The following GPC6 variants were observed in gnomAD, a reference collection of about 807,000 sequenced individuals.
GPC6 encodes glypican-6.
Under a neutral mutation model 55.2 loss-of-function variants are expected in GPC6, and 14 were observed. That is an observed-to-expected ratio of 0.25 (90% confidence interval 0.17 to 0.40). The LOEUF is 0.40. GPC6 is among the 10% of genes least tolerant of loss of function. The probability of loss-of-function intolerance (pLI) is 1.00; values close to 1 mark genes in which losing one functional copy is unlikely to be tolerated. For missense variants in GPC6, 641 were observed against 708.5 expected, an observed-to-expected ratio of 0.90 and a Z score of 1.08; for synonymous variants, 278 against 259.6, an observed-to-expected ratio of 1.07 and a Z score of -0.68.
At chr13:93,629,119 A>G (rs989251104) in intron 2 of GPC6, among the ~76,000 whole-genome samples, 7 of 151,930 alleles carry the variant, frequency 4.6e-5, no homozygotes, top group Non-Finnish European at 7.4e-5. Flanking sequence ...ATGACTTTTT[A>G]AGGCCAGTTA....
At chr13:93,718,823 G>GCTAGCCAGTTTTCCTAGCAC (rs1883343657) in intron 2 of GPC6, among the ~76,000 whole-genome samples, 1 of 147,358 alleles carries the variant, frequency 6.8e-6, no homozygotes, top group Non-Finnish European at 1.5e-5. Flanking sequence ...TTGCCCAATG[G>GCTAGCCAGTTTTCCTAGCAC]CATTTATTAA....
At chr13:93,436,936 A>T (rs1877593594) in intron 1 of GPC6, among the ~76,000 whole-genome samples, 1 of 151,816 alleles carries the variant, frequency 6.6e-6, no homozygotes, top group African/African-American at 2.4e-5. Context: ...CCTGCTTTGA[A>T]TTAGTCTGTT....
intron 4 of GPC6, among the ~76,000 whole-genome samples, chr13:94,258,921 G>GATC (rs1349936695): frequency 3.9e-5 from 6 of 152,190 alleles, no homozygotes; most frequent in Non-Finnish European, 7.3e-5. Context: ...AAACAGAGAT[G>GATC]TAACAAGGGT....
chr13:93,966,651 A>ATTTTTTTTT lies in GPC6; in HGVS notation c.712-61067_712-61059dup, dbSNP rs59591951. ...ACTATCAGTTTTGTTTGTTTCCTTC[A>ATTTTTTTTT]TTTTTTTTTTTTTTTTTTTGAGATG... is the stretch of plus-strand genomic sequence containing the variant. On this transcript the variant is annotated intron_variant, in intron 3 of 8. Coordinates refer to ENST00000377047, the MANE Select transcript of GPC6 (RefSeq NM_005708.5). 1.7e-5 allele frequency among the ~76,000 whole-genome samples: 2 copies of ATTTTTTTTT among 118,828 alleles called. 1 individual carries two copies. 78.0% of individuals were successfully genotyped at this position (118,828 alleles called of 152,430 possible).
chr13:93,663,534 C>T (rs574607021), intron 2 of GPC6, among the ~76,000 whole-genome samples: 5 of 152,224 alleles, frequency 3.3e-5, no homozygotes, highest in African/African-American at 9.6e-5. Flanking sequence ...AAGACAGATC[C>T]GTCTCTGAAT....
chr13:94,122,680 T>C (rs967129544), intron 4 of GPC6, among the ~76,000 whole-genome samples: 1 of 152,098 alleles, frequency 6.6e-6, no homozygotes, highest in Non-Finnish European at 1.5e-5. Flanking sequence ...TTTCATTCAC[T>C]ACTCTGCACA....
At chr13:93,292,593 T>C (rs1878352107) in intron 1 of GPC6, among the ~76,000 whole-genome samples, 1 of 152,182 alleles carries the variant, frequency 6.6e-6, no homozygotes, top group African/African-American at 2.4e-5. Context: ...AATAAACATA[T>C]TATGGAATAA....
chr13:93,832,122 A>AAAAAAAAAAAAAAAAT (rs1555334870), intron 3 of GPC6, among the ~76,000 whole-genome samples: 2 of 12,048 alleles, frequency 1.7e-4, no homozygotes, highest in Non-Finnish European at 2.5e-4. Context: ...AAAAAAAAAA[A>AAAAAAAAAAAAAAAAT]ATATATATAT....
chr13:94,307,368 G>A (rs1214156004), intron 6 of GPC6, among the ~76,000 whole-genome samples: 1 of 151,948 alleles, frequency 6.6e-6, no homozygotes, highest in African/African-American at 2.4e-5. Context: ...CCAGGCTGGA[G>A]TGCAGTGTCA....
intron 4 of GPC6, among the ~76,000 whole-genome samples, chr13:94,235,053 G>A (rs2139018161): frequency 6.6e-6 from 1 of 152,226 alleles, no homozygotes; most frequent in Admixed American, 6.6e-5. Context: ...AGTTAACAAG[G>A]CTGTACTGTA....
intron 1 of GPC6, among the ~76,000 whole-genome samples, chr13:93,528,696 T>A (rs1881748022): frequency 6.6e-6 from 1 of 152,190 alleles, no homozygotes; most frequent in South Asian, 2.1e-4. Context: ...GTCTGAAATT[T>A]GCAACATATT....
chr13:94,337,341 C>T (rs1877761093), intron 6 of GPC6, among the ~76,000 whole-genome samples: 1 of 152,144 alleles, frequency 6.6e-6, no homozygotes, highest in South Asian at 2.1e-4. Flanking sequence ...AATTTTATTT[C>T]ATCTAAATTC....
chr13:93,561,588 A>C (rs947140797), intron 2 of GPC6, among the ~76,000 whole-genome samples: 2 of 152,076 alleles, frequency 1.3e-5, no homozygotes, highest in Admixed American at 6.5e-5. Context: ...TTTCTATTTG[A>C]GTATTTGTTT....
At chr13:94,242,153 G>C (rs1343390111) in intron 4 of GPC6, among the ~76,000 whole-genome samples, 1 of 151,794 alleles carries the variant, frequency 6.6e-6, no homozygotes. Context: ...CCACCTATGA[G>C]TGAGAACATG....
At position 93,636,754 on chromosome 13, in the gene GPC6, G is replaced by GT. The variant is rs1879719204; in HGVS notation, c.319+91333_319+91334insT. On this transcript the variant is annotated intron_variant, in intron 2 of 8. Transcript: ENST00000377047. ...CAGGGCAGTCCACCAGAAATATCAG[G>GT]GAGAGATAAATTATTACTGAGAACA... 2.0e-5 allele frequency among the ~76,000 whole-genome samples: 3 copies of GT among 152,244 alleles called. 1 individual carries two copies. In the South Asian group the frequency reaches 6.2e-4, roughly 32 times the overall value.
At chr13:93,266,299 T>C (rs1877322524) in intron 1 of GPC6, among the ~76,000 whole-genome samples, 1 of 152,198 alleles carries the variant, frequency 6.6e-6, no homozygotes, top group South Asian at 2.1e-4. Flanking sequence ...GCTAAAACAA[T>C]CTCTTACAAA....
In GPC6 at chr13:93,314,568, G is replaced by A. The variant is rs116289535; in HGVS notation, c.160+86952G>A. 5.1e-3 allele frequency among the ~76,000 whole-genome samples: 778 copies of A among 152,196 alleles called. 4 individuals carry two copies. The highest frequency in any genetic ancestry group is 0.017 in the African/African-American group (723 of 41,536). ...GAGTTCTGTCTTTGGTATGAGAATC[G>A]GACTGGGATTTAGGAGACCTTGGTT... On this transcript the variant is annotated intron_variant, in intron 1 of 8. Transcript: ENST00000377047.
At chr13:93,346,734 A>T (rs1446138211) in intron 1 of GPC6, among the ~76,000 whole-genome samples, 2 of 152,204 alleles carry the variant, frequency 1.3e-5, no homozygotes, top group African/African-American at 4.8e-5. Context: ...ATGGAAACTG[A>T]ATCTACCATA....
chr13:93,513,975 G>T (rs1881084144), intron 1 of GPC6, among the ~76,000 whole-genome samples: 1 of 147,926 alleles, frequency 6.8e-6, no homozygotes, highest in Admixed American at 7.0e-5. Flanking sequence ...CCAGGTTGAA[G>T]CGATTGTCCT....
Sources: gnomAD v4.1 joint callset for allele counts (sites outside exome capture counted in the v4.1 genomes callset) on GRCh38, gnomAD v4.1.1 for gene constraint, MANE v1.5 for transcripts, NCBI Gene and HGNC (gene_info 2026-07-23, HGNC 2026-07-21) for gene names.